Variants in LOC112694756 observed in about 807,000 individuals in gnomAD.
chr16:30,067,263 C>G, the LOC112694756 span: 1 of 1,612,390 alleles, frequency 6.2e-7, no homozygotes, highest in Non-Finnish European at 8.5e-7. Flanking sequence ...CCATGCCCTA[C>G]CAATATCCAG....
the LOC112694756 span, chr16:30,067,545 G>C: frequency 4.3e-6 from 7 of 1,613,696 alleles, no homozygotes; most frequent in Non-Finnish European, 5.9e-6. Context: ...TGACGACCGC[G>C]TGAACCCCTG....
the LOC112694756 span, chr16:30,068,630 A>G: frequency 2.5e-6 from 4 of 1,613,968 alleles, no homozygotes; most frequent in East Asian, 8.9e-5. Flanking sequence ...TAATGTTGTT[A>G]CCCTGACCCC....
chr16:30,055,399 TCAA>T, the LOC112694756 span: 5,584 of 398,928 alleles, frequency 0.014, 255 homozygotes, highest in African/African-American at 0.1. Flanking sequence ...ATTTTTTTGC[TCAA>T]CAACATTTAT....
the LOC112694756 span, chr16:30,069,595 A>C: frequency 6.2e-7 from 1 of 1,614,050 alleles, no homozygotes; most frequent in Non-Finnish European, 8.5e-7. Flanking sequence ...CCATGCTTGC[A>C]CTCAGAAGTT....
the LOC112694756 span, chr16:30,069,412 A>AGTG: frequency 6.2e-7 from 1 of 1,613,934 alleles, no homozygotes; most frequent in Non-Finnish European, 8.5e-7. Flanking sequence ...CTGCCTGACC[A>AGTG]GTGCAAGGTG....
chr16:30,069,894 C>T, the LOC112694756 span: 1 of 1,614,174 alleles, frequency 6.2e-7, no homozygotes, highest in Non-Finnish European at 8.5e-7. Flanking sequence ...ATGCCATTAA[C>T]AAGTGCCCCC....
chr16:30,054,451 A>G, the LOC112694756 span: 61 of 210,252 alleles, frequency 2.9e-4, no homozygotes, highest in Non-Finnish European at 4.8e-4. Context: ...TGCAGGTTGG[A>G]TGACAGGAGC....
the LOC112694756 span, among the ~76,000 whole-genome samples, chr16:30,058,295 C>T: frequency 7.2e-5 from 11 of 152,258 alleles, no homozygotes; most frequent in South Asian, 2.3e-3. Flanking sequence ...CCTCCCTCTT[C>T]AGTTTCCTTG....
chr16:30,055,445 C>G, the LOC112694756 span: 1 of 398,134 alleles, frequency 2.5e-6, no homozygotes. Context: ...AGGCACGGTT[C>G]CAGGGCATGA....
chr16:30,069,729 C>A, the LOC112694756 span: 1 of 1,611,698 alleles, frequency 6.2e-7, no homozygotes, highest in Non-Finnish European at 8.5e-7. Flanking sequence ...ACCCACAACC[C>A]TATGCCCATT....
At chr16:30,057,515 A>T in the LOC112694756 span, among the ~76,000 whole-genome samples, 2 of 152,196 alleles carry the variant, frequency 1.3e-5, no homozygotes, top group African/African-American at 4.8e-5. Context: ...GAGCTCAGCG[A>T]TTCAGACAGC....
the LOC112694756 span, chr16:30,068,634 T>G: frequency 6.2e-7 from 1 of 1,614,128 alleles, no homozygotes; most frequent in African/African-American, 1.3e-5. Context: ...GTTGTTACCC[T>G]GACCCCAACA....
chr16:30,067,470 C>G, the LOC112694756 span: 1 of 1,613,280 alleles, frequency 6.2e-7, no homozygotes, highest in Non-Finnish European at 8.5e-7. Context: ...CAAGCGGCTG[C>G]AGTCCATTGG....
chr16:30,067,276 C>T, the LOC112694756 span: 27 of 1,612,540 alleles, frequency 1.7e-5, no homozygotes, highest in Non-Finnish European at 2.3e-5. Flanking sequence ...ATATCCAGCA[C>T]TGACCCCGGA....
At chr16:30,068,362 C>T in the LOC112694756 span, 246 of 436,022 alleles carry the variant, frequency 5.6e-4, 3 homozygotes, top group South Asian at 4.5e-3. Context: ...CCATGCCCGG[C>T]TTAAGTAACT....
the LOC112694756 span, chr16:30,068,581 C>T: frequency 1.5e-5 from 23 of 1,556,776 alleles, no homozygotes; most frequent in Non-Finnish European, 1.9e-5. Context: ...CCAGCCGGGG[C>T]GACAGTGGAA....
the LOC112694756 span, among the ~76,000 whole-genome samples, chr16:30,062,451 G>A: frequency 3.8e-4 from 57 of 150,034 alleles, no homozygotes; most frequent in Non-Finnish European, 5.2e-4. Flanking sequence ...AGAATCGCTT[G>A]AACCCAGGAG....
At chr16:30,068,707 A>G in the LOC112694756 span, 1 of 1,614,090 alleles carries the variant, frequency 6.2e-7, no homozygotes, top group Admixed American at 1.7e-5. Context: ...CAAGGTGAGA[A>G]CTGTTTGATT....
At chr16:30,059,631 C>T in the LOC112694756 span, among the ~76,000 whole-genome samples, 938 of 150,810 alleles carry the variant, frequency 6.2e-3, 5 homozygotes, top group Non-Finnish European at 8.5e-3. Flanking sequence ...GGCGTAATCT[C>T]GGCTCACTGC....
Sources: allele counts gnomAD v4.1 joint callset (sites outside exome capture counted in the v4.1 genomes callset), GRCh38; gene constraint gnomAD v4.1.1; transcripts MANE v1.5.